PTPRD: variants seen among roughly 807,000 people sequenced by gnomAD.
PTPRD encodes receptor-type tyrosine-protein phosphatase delta.
PTPRD carries 34 observed loss-of-function variants against 214.5 expected under a neutral mutation model. The observed-to-expected ratio is 0.16, with a 90% CI of 0.12 to 0.21. PTPRD has a LOEUF of 0.21. PTPRD is among the 10% of genes least tolerant of loss of function. PTPRD has a pLI of 1.00. For missense variants in PTPRD, 2,545 were observed against 2,398.7 expected, an observed-to-expected ratio of 1.06 and a Z score of -1.27; for synonymous variants, 1,128 against 845.7, an observed-to-expected ratio of 1.33 and a Z score of -5.79.
At chr9:10,364,021 A>G (rs1447160107) in intron 2 of PTPRD, among the ~76,000 whole-genome samples, 1 of 20,530 alleles carries the variant, frequency 4.9e-5, no homozygotes, top group Non-Finnish European at 6.5e-5. Flanking sequence ...TTTTTTTGAG[A>G]TGGAGTCTTG....
chr9:9,452,112 T>A (rs1384617418), intron 8 of PTPRD, among the ~76,000 whole-genome samples: 3 of 151,380 alleles, frequency 2.0e-5, no homozygotes, highest in Admixed American at 6.6e-5. Flanking sequence ...ACCTAGCAGT[T>A]TATAATAAAA....
chr9:10,368,289 T>C (rs184300108), intron 2 of PTPRD, among the ~76,000 whole-genome samples: 10 of 152,232 alleles, frequency 6.6e-5, no homozygotes, highest in African/African-American at 2.2e-4. Flanking sequence ...AAAGAAGTTA[T>C]CTAACTCATA....
chr9:9,574,343 C>A (rs115411824), intron 8 of PTPRD, among the ~76,000 whole-genome samples: 1 of 151,968 alleles, frequency 6.6e-6, no homozygotes, highest in Non-Finnish European at 1.5e-5. Flanking sequence ...TGGGGAGACC[C>A]AATTTTGATA....
intron 11 of PTPRD, among the ~76,000 whole-genome samples, chr9:8,911,414 G>GTT (rs33911632): frequency 0.19 from 24,446 of 131,982 alleles, 2,515 homozygotes; most frequent in East Asian, 0.37. Context: ...GTGTGTGTGT[G>GTT]TTGTGTGTGT....
At chr9:9,956,010 G>A (rs913322118) in intron 4 of PTPRD, among the ~76,000 whole-genome samples, 3 of 152,056 alleles carry the variant, frequency 2.0e-5, no homozygotes, top group Non-Finnish European at 4.4e-5. Flanking sequence ...ATTTGAGGCA[G>A]GCCACATTTA....
intron 2 of PTPRD, among the ~76,000 whole-genome samples, chr9:10,361,460 T>C (rs1388878215): frequency 6.6e-6 from 1 of 152,070 alleles, no homozygotes; most frequent in South Asian, 2.1e-4. Context: ...ATGCTGTGCT[T>C]TGAGTAGCAG....
chr9:9,186,438 C>A (rs2099931546), intron 9 of PTPRD, among the ~76,000 whole-genome samples: 1 of 151,974 alleles, frequency 6.6e-6, no homozygotes, highest in Admixed American at 6.6e-5. Context: ...CATAAGATCC[C>A]ATTTCTACAA....
intron 3 of PTPRD, among the ~76,000 whole-genome samples, chr9:10,338,811 T>A (rs1409408537): frequency 2.0e-5 from 3 of 151,646 alleles, no homozygotes; most frequent in African/African-American, 7.3e-5. Flanking sequence ...TATTTTTCTC[T>A]AAGAAAGTGA....
intron 10 of PTPRD, among the ~76,000 whole-genome samples, chr9:9,136,269 T>A (rs192099615): frequency 4.3e-4 from 61 of 140,944 alleles, no homozygotes; most frequent in African/African-American, 1.8e-3. Flanking sequence ...CTAATTAACA[T>A]CTTTTGGTCA....
At chr9:9,567,359 T>C (rs2084904204) in intron 8 of PTPRD, among the ~76,000 whole-genome samples, 2 of 151,916 alleles carry the variant, frequency 1.3e-5, no homozygotes, top group Non-Finnish European at 2.9e-5. Flanking sequence ...GTCTCATGGA[T>C]GGTAACAGAG....
At chr9:10,429,469 T>C (rs2098656572) in intron 2 of PTPRD, among the ~76,000 whole-genome samples, 1 of 151,928 alleles carries the variant, frequency 6.6e-6, no homozygotes, top group South Asian at 2.1e-4. Flanking sequence ...GTGCGGTGTA[T>C]ATGCACAGTA....
chr9:10,541,763 A>C (rs955881415), intron 2 of PTPRD, among the ~76,000 whole-genome samples: 14 of 152,038 alleles, frequency 9.2e-5, no homozygotes, highest in African/African-American at 3.4e-4. Context: ...TATAAAAGGT[A>C]ATATAAAGAT....
chr9:9,271,051 G>A (rs1022616453), intron 9 of PTPRD, among the ~76,000 whole-genome samples: 17 of 151,226 alleles, frequency 1.1e-4, no homozygotes, highest in Admixed American at 7.3e-4. Context: ...GTGCTTATGC[G>A]GCTTCCAGGT....
chr9:10,583,691 G>A (rs529549800), intron 2 of PTPRD, among the ~76,000 whole-genome samples: 1 of 151,958 alleles, frequency 6.6e-6, no homozygotes, highest in African/African-American at 2.4e-5. Context: ...TGTTAGTCAG[G>A]ATGGTCTCGA....
At chr9:8,632,573 T>C (rs1186624982) in intron 14 of PTPRD, among the ~76,000 whole-genome samples, 2 of 151,936 alleles carry the variant, frequency 1.3e-5, no homozygotes, top group Non-Finnish European at 2.9e-5. Context: ...TAATTGGGAA[T>C]GTTCGTATCT....
intron 25 of PTPRD, among the ~76,000 whole-genome samples, chr9:8,498,103 C>T (rs562818960): frequency 6.3e-4 from 96 of 152,222 alleles, no homozygotes; most frequent in Non-Finnish European, 1.1e-3. Flanking sequence ...ACTGCATTTA[C>T]AGAAGTGGCC....
chr9:9,704,287 T>C (rs1465194840), intron 7 of PTPRD, among the ~76,000 whole-genome samples: 1 of 152,062 alleles, frequency 6.6e-6, no homozygotes, highest in Non-Finnish European at 1.5e-5. Flanking sequence ...TTCTACTTTA[T>C]TGCAGCTCAC....
At chr9:8,914,466 C>A (rs2098770684) in intron 11 of PTPRD, among the ~76,000 whole-genome samples, 1 of 152,070 alleles carries the variant, frequency 6.6e-6, no homozygotes, top group Admixed American at 6.6e-5. Flanking sequence ...CTTACAACTA[C>A]TGCACTATGA....
intron 3 of PTPRD, among the ~76,000 whole-genome samples, chr9:10,225,775 AT>A (rs1278607526): frequency 1.3e-5 from 2 of 152,054 alleles, no homozygotes; most frequent in African/African-American, 4.8e-5. Flanking sequence ...AAATAATGCT[AT>A]TTCCTTTTGA....
Sources: gnomAD v4.1 joint callset for allele counts (sites outside exome capture counted in the v4.1 genomes callset) on GRCh38, gnomAD v4.1.1 for gene constraint, MANE v1.5 for transcripts, NCBI Gene and HGNC (gene_info 2026-07-23, HGNC 2026-07-21) for gene names.